Variants in EML6 observed in about 807,000 individuals in gnomAD.
The protein encoded by EML6 is EMAP like 6.
In EML6, 154 loss-of-function variants were observed where a neutral mutation model predicts 240.1. The observed-to-expected ratio is 0.64, with a 90% CI of 0.56 to 0.73. The LOEUF is 0.73. Among genes scored for constraint, EML6 ranks in the 30% least tolerant of loss-of-function variants. The probability of loss-of-function intolerance (pLI) is 0.00; values close to 1 mark genes in which losing one functional copy is unlikely to be tolerated. For missense variants in EML6, 2,964 were observed against 2,474.6 expected (o/e 1.20, Z -4.20); for synonymous variants, 1,148 against 899.0 (o/e 1.28, Z -4.95).
chr2:54,843,734 T>G (rs956730137), intron 7 of EML6, among the ~76,000 whole-genome samples: 13 of 151,526 alleles, frequency 8.6e-5, no homozygotes, highest in African/African-American at 2.9e-4. Flanking sequence ...TCCCAGCTAC[T>G]TGGGAGGCTG....
At chr2:54,847,744 AC>A in intron 9 of EML6, 121 bp downstream of exon 9, 11 of 866,618 alleles carry the variant, frequency 1.3e-5, no homozygotes, top group Admixed American at 4.1e-5. Context: ...AAATAGGAAT[AC>A]TATAGATCTA....
chr2:54,916,164 C>T (rs1673899041), intron 25 of EML6, among the ~76,000 whole-genome samples: 1 of 152,186 alleles, frequency 6.6e-6, no homozygotes, highest in South Asian at 2.1e-4. Context: ...TTACTTTTTC[C>T]TCCAAGGAAG....
In EML6 at chr2:54,790,811, C is replaced by T. The variant is rs557638320; in HGVS notation, c.198-22421C>T. Among the ~76,000 whole-genome samples the T allele has an allele frequency of 1.9e-3, 281 of 151,198 alleles. 3 individuals are homozygous for T. The highest frequency in any genetic ancestry group is 6.1e-3 in the African/African-American group (253 of 41,200). On this transcript the variant is annotated intron_variant, in intron 2 of 41. Transcript: ENST00000356458. ...CGCGATCTTGGCTCACTGCAAGCTC[C>T]GCCTCCCAGGTTCACACCATTCTCC...
chr2:54,863,345 C>T lies in EML6; in HGVS notation c.1826-438C>T, dbSNP rs112985559. On this transcript the variant is annotated intron_variant, in intron 12 of 41. Transcript: ENST00000356458. ...CCAACCTAGGCAATGTGGTGAAACCCTGTCCCTACAAATAAAATTTAAAAA... is the reference window on the plus strand; with the variant it reads ...CCAACCTAGGCAATGTGGTGAAACCTTGTCCCTACAAATAAAATTTAAAAA... Among the ~76,000 whole-genome samples, 184 of 152,294 alleles carry T rather than the reference C, an allele frequency of 1.2e-3. 1 individual carries two copies. Among genetic ancestry groups the T allele is most frequent in the African/African-American group, 4.3e-3 (177 of 41,558 alleles).
At chr2:54,826,334 C>T (rs545833199) in intron 5 of EML6, among the ~76,000 whole-genome samples, 27 of 152,298 alleles carry the variant, frequency 1.8e-4, no homozygotes, top group African/African-American at 4.6e-4. Context: ...CTAGTTGATA[C>T]ATGAAAACTA....
rs114696424 is a variant in EML6, at chr2:54,929,451, G to A, written c.4004+700G>A. ...TTAATTTATCATATTCATGCTAAGA[G>A]TGGATATTGAATAAAAACTCTTAAT... On this transcript the variant is annotated intron_variant, in intron 28 of 41. Coordinates refer to ENST00000356458, the MANE Select transcript of EML6 (RefSeq NM_001039753.4). Among the ~76,000 whole-genome samples, 337 of 152,322 alleles carry A rather than the reference G, an allele frequency of 2.2e-3. 1 individual carries two copies. Among genetic ancestry groups the A allele is most frequent in the African/African-American group, 7.6e-3 (314 of 41,574 alleles).
At chr2:54,869,602 G>T (rs1353055931) in intron 15 of EML6, among the ~76,000 whole-genome samples, 2 of 152,108 alleles carry the variant, frequency 1.3e-5, no homozygotes, top group Admixed American at 1.3e-4. Context: ...CTATGAATGG[G>T]ACCAGCTAAA....
At chr2:54,967,289 TAGGTTTTTG>T in intron 39 of EML6, 186 bp downstream of exon 39, 1 of 419,648 alleles carries the variant, frequency 2.4e-6, no homozygotes, top group Non-Finnish European at 4.4e-6. Flanking sequence ...TGATCTGACC[TAGGTTTTTG>T]AAATGCGAAG....
chr2:54,830,442 G>A (rs1329542989), intron 7 of EML6, among the ~76,000 whole-genome samples: 1 of 152,150 alleles, frequency 6.6e-6, no homozygotes, highest in Admixed American at 6.5e-5. Context: ...AGATGAGGGA[G>A]AAATTTCCTG....
intron 2 of EML6, among the ~76,000 whole-genome samples, chr2:54,745,578 A>T (rs866793546): frequency 3.1e-4 from 47 of 152,170 alleles, no homozygotes; most frequent in African/African-American, 1.1e-3. Flanking sequence ...AGAGTTCGAG[A>T]TGAGCCTGGG....
At chr2:54,747,425 G>A (rs1421620235) in intron 2 of EML6, 3 of 152,152 alleles carry the variant, frequency 2.0e-5, no homozygotes, top group African/African-American at 7.2e-5. Context: ...ATGTTCAGGT[G>A]GTGGCAACAT....
intron 17 of EML6, chr2:54,882,317 A>G (rs560511341): frequency 5.0e-5 from 7 of 138,712 alleles, no homozygotes; most frequent in Non-Finnish European, 9.2e-5. Flanking sequence ...ATTTTAGTCT[A>G]GTATACAAGT....
chr2:54,854,527 T>C (rs1425033139), intron 11 of EML6, among the ~76,000 whole-genome samples: 4 of 152,230 alleles, frequency 2.6e-5, no homozygotes. Context: ...CAGGCTCTTC[T>C]GAGACTCCTC....
In EML6 at chr2:54,928,508, G is replaced by A. The variant is rs1367756908; in HGVS notation, c.3871G>A (p.Asp1291Asn). Reference sequence around the variant, plus strand: ...GGAGTCAGACACCGACGTGGAAGAGGATGGAGGTGAGCCCCCCACCTGCCA... The same window carrying A: ...GGAGTCAGACACCGACGTGGAAGAGAATGGAGGTGAGCCCCCCACCTGCCA... ...SEESDTDVEE[D>N]GGYDSDVARE... The change falls in exon 27 of 42, where the codon GAT (aspartate) becomes AAT (asparagine). Residue 1291 changes from aspartate to asparagine, a missense_variant. Transcript: ENST00000356458. 5 of 1,545,214 alleles carry A rather than the reference G, an allele frequency of 3.2e-6. No homozygotes were observed. The highest frequency in any genetic ancestry group is 4.4e-6 in the Non-Finnish European group (5 of 1,142,822).
chr2:54,774,558 T>C lies in EML6; in HGVS notation c.198-38674T>C, dbSNP rs971519571. On this transcript the variant is annotated intron_variant, in intron 2 of 41. Transcript: ENST00000356458. This position sits in a 1 kb window ranked among gnomAD's most constrained non-coding sequence, Gnocchi z 4.1. ...AGAATGGAAGAGCTAGCATCTCTGC[T>C]ACACTACATCATAGGGTGGTTGTAA... Among the ~76,000 whole-genome samples the C allele has an allele frequency of 1.2e-4, 18 of 152,238 alleles. No individual in the cohort carries two copies. Among genetic ancestry groups the C allele is most frequent in the African/African-American group, 3.6e-4 (15 of 41,454 alleles).
At chr2:54,926,740 C>G (rs947750682) in intron 26 of EML6, among the ~76,000 whole-genome samples, 10 of 152,200 alleles carry the variant, frequency 6.6e-5, no homozygotes, top group Admixed American at 5.2e-4. Context: ...GGAATCTCTG[C>G]CTTGTTATAT....
intron 7 of EML6, among the ~76,000 whole-genome samples, chr2:54,840,113 T>C (rs1669362954): frequency 6.6e-6 from 1 of 152,208 alleles, no homozygotes; most frequent in Non-Finnish European, 1.5e-5. Flanking sequence ...ATTAAATCCT[T>C]TCTGTAATAA....
At chr2:54,949,840 C>G (rs78274430) in intron 29 of EML6, among the ~76,000 whole-genome samples, 32 of 152,374 alleles carry the variant, frequency 2.1e-4, no homozygotes, top group Non-Finnish European at 4.3e-4. Flanking sequence ...CTGGGACTTT[C>G]AAGCCCCTGT....
intron 13 of EML6, among the ~76,000 whole-genome samples, chr2:54,866,294 G>A (rs1038174853): frequency 1.3e-5 from 2 of 152,150 alleles, no homozygotes; most frequent in African/African-American, 4.8e-5. Context: ...TAGGTCCCAA[G>A]TTAGACCAAG....
Sources: allele counts gnomAD v4.1 joint callset (sites outside exome capture counted in the v4.1 genomes callset), GRCh38; gene constraint gnomAD v4.1.1; non-coding constraint Gnocchi (gnomAD v3.1); transcripts MANE v1.5; gene names NCBI Gene and HGNC (gene_info 2026-07-23, HGNC 2026-07-21).